Variants in BACE2 observed in about 807,000 individuals in gnomAD.
The protein encoded by BACE2 is 56 kDa aspartic-like protease.
BACE2 carries 17 observed loss-of-function variants against 46.2 expected under a neutral mutation model. The observed-to-expected ratio is 0.37, with a 90% CI of 0.25 to 0.55. The LOEUF (loss-of-function observed/expected upper bound fraction) is 0.55. Ranked by LOEUF, BACE2 falls within the 20% of genes least tolerant of loss-of-function variation. The pLI, the probability that BACE2 is intolerant of heterozygous loss-of-function variation, is 0.82. For missense variants in BACE2, 595 were observed against 698.1 expected, an observed-to-expected ratio of 0.85 and a Z score of 1.66; for synonymous variants, 277 against 295.9, an observed-to-expected ratio of 0.94 and a Z score of 0.66.
chr21:41,186,823 T>C (rs1170344439), intron 1 of BACE2: 2 of 152,254 alleles, frequency 1.3e-5, no homozygotes, highest in African/African-American at 4.8e-5. Flanking sequence ...TATTTATACC[T>C]ACCTTTAACT....
At chr21:41,204,493 G>A (rs1601263341) in intron 1 of BACE2, among the ~76,000 whole-genome samples, 1 of 152,202 alleles carries the variant, frequency 6.6e-6, no homozygotes, top group East Asian at 1.9e-4. Flanking sequence ...GGGTGGTCCA[G>A]TGCCCACGGA....
At chr21:41,171,299 G>T (rs1601234477) in intron 1 of BACE2, among the ~76,000 whole-genome samples, 1 of 152,360 alleles carries the variant, frequency 6.6e-6, no homozygotes, top group East Asian at 1.9e-4. Flanking sequence ...GGCCTTGAGA[G>T]GAGAGGTTCA....
At chr21:41,216,193 C>T (rs1160052011) in intron 1 of BACE2, among the ~76,000 whole-genome samples, 1 of 152,156 alleles carries the variant, frequency 6.6e-6, no homozygotes. Flanking sequence ...GGTCCATTTC[C>T]AGTGTCACCA....
intron 1 of BACE2, among the ~76,000 whole-genome samples, chr21:41,170,171 G>A (rs1984553283): frequency 6.6e-6 from 1 of 151,516 alleles, no homozygotes; most frequent in South Asian, 2.1e-4. Flanking sequence ...AAGGGGAAAG[G>A]GAGAAGCCTG....
intron 6 of BACE2, among the ~76,000 whole-genome samples, chr21:41,250,322 G>A (rs1221473517): frequency 2.6e-5 from 4 of 152,162 alleles, no homozygotes; most frequent in African/African-American, 9.7e-5. Flanking sequence ...GGAATTCAGA[G>A]GGCAAGTGAT....
chr21:41,198,155 C>A (rs1260452729), intron 1 of BACE2, among the ~76,000 whole-genome samples: 3 of 152,036 alleles, frequency 2.0e-5, no homozygotes, highest in African/African-American at 7.2e-5. Context: ...CCACACCCAG[C>A]TGATGTTTGT....
At chr21:41,174,138 C>CT (rs1568853912) in intron 1 of BACE2, among the ~76,000 whole-genome samples, 7,846 of 69,896 alleles carry the variant, frequency 0.11, 847 homozygotes, top group East Asian at 0.2. Flanking sequence ...TGATCAGTGG[C>CT]CTTTTTTTTT....
chr21:41,220,411 C>T (rs965626185), intron 1 of BACE2, among the ~76,000 whole-genome samples: 4 of 152,188 alleles, frequency 2.6e-5, no homozygotes, highest in Non-Finnish European at 5.9e-5. Context: ...CCTCTAATCC[C>T]GCCTTGCTCT....
At chr21:41,212,443 T>C (rs1166590528) in intron 1 of BACE2, among the ~76,000 whole-genome samples, 3 of 152,100 alleles carry the variant, frequency 2.0e-5, no homozygotes, top group Non-Finnish European at 2.9e-5. Flanking sequence ...CAGCAGAGCA[T>C]AAGGTGAGGA....
intron 2 of BACE2, among the ~76,000 whole-genome samples, chr21:41,231,352 C>T (rs939031450): frequency 2.0e-5 from 3 of 152,072 alleles, no homozygotes; most frequent in Non-Finnish European, 4.4e-5. Context: ...GAGGGGCATC[C>T]GGTCACCTGG....
chr21:41,243,698 C>T (rs1173420599), intron 5 of BACE2, among the ~76,000 whole-genome samples, 188 bp downstream of exon 5: 1 of 152,142 alleles, frequency 6.6e-6, no homozygotes, highest in African/African-American at 2.4e-5. Flanking sequence ...CTCCCCACCC[C>T]AAATATTGCA....
Position 41,278,149 on chromosome 21 carries a change from A to T in BACE2, c.*2525A>T, listed in dbSNP as rs556198176. 1 of 152,332 alleles carries T rather than the reference A, an allele frequency of 6.6e-6. No homozygotes were observed. Among genetic ancestry groups the T allele is most frequent in the South Asian group, 2.1e-4 (1 of 4,830 alleles). The allele number at this position is 152,332 out of a possible 1,614,324, so 9.4% of individuals were successfully genotyped here. The stretch of plus-strand genomic sequence containing the variant: ...TGTAATACACTGTGGAAAATTCTGG[A>T]AGACGGTCCTTGCCTGAAAAGGTGC... On this transcript the variant is annotated 3_prime_UTR_variant, in exon 9 of 9. Transcript: ENST00000330333.
chr21:41,226,229 T>C (rs376279963), intron 1 of BACE2, 37 bp from the exon 2 acceptor site: 1 of 1,517,548 alleles, frequency 6.6e-7, no homozygotes, highest in East Asian at 2.2e-5. Context: ...AATAACTTGA[T>C]GCTTTCTATT....
intron 2 of BACE2, among the ~76,000 whole-genome samples, chr21:41,234,695 T>C (rs1987064807): frequency 6.6e-6 from 1 of 152,274 alleles, no homozygotes; most frequent in Admixed American, 6.5e-5. Flanking sequence ...TCAGTATTTT[T>C]ATTGCTATTC....
At position 41,257,205 on chromosome 21, in the gene BACE2, C is replaced by T. The variant is rs1987810167; in HGVS notation, c.1182C>T (p.Tyr394=). The T allele has an allele frequency of 6.2e-7, 1 of 1,614,216 alleles. No homozygotes were observed. Residue 394 remains tyrosine (Y), a synonymous_variant, in exon 8 of 9, where the codon TAC becomes TAT. Coordinates refer to ENST00000330333, the MANE Select transcript of BACE2 (RefSeq NM_012105.5). ...GGGCCGGCCTGAATTATGAATGTTACCGATTCGGCATTTCCCCATCCACAA... is the reference window on the plus strand; with the variant it reads ...GGGCCGGCCTGAATTATGAATGTTATCGATTCGGCATTTCCCCATCCACAA... ...MMGAGLNYEC[Y]RFGISPSTNA...
intron 1 of BACE2, among the ~76,000 whole-genome samples, chr21:41,210,608 C>T (rs139488251): frequency 3.3e-5 from 5 of 152,324 alleles, no homozygotes; most frequent in Non-Finnish European, 4.4e-5. Flanking sequence ...GACCCCGTTC[C>T]ACAGCCATGA....
At chr21:41,271,450 T>C (rs1410740201) in intron 8 of BACE2, among the ~76,000 whole-genome samples, 1 of 152,220 alleles carries the variant, frequency 6.6e-6, no homozygotes, top group African/African-American at 2.4e-5. Flanking sequence ...CGGAAAAAGT[T>C]TGCCAAATGC....
At chr21:41,211,925 A>T (rs552329223) in intron 1 of BACE2, among the ~76,000 whole-genome samples, 52 of 152,204 alleles carry the variant, frequency 3.4e-4, no homozygotes, top group Non-Finnish European at 6.2e-4. Flanking sequence ...ACAGTGGGAG[A>T]CGTCCACAGT....
At position 41,269,942 on chromosome 21, in the gene BACE2, A is replaced by G. The variant is rs1035917967; in HGVS notation, c.1304-5429A>G. 5.3e-5 allele frequency among the ~76,000 whole-genome samples: 8 copies of G among 152,212 alleles called. 1 individual carries two copies. Among genetic ancestry groups the G allele is most frequent in the Admixed American group, 5.2e-4 (8 of 15,280 alleles). Reference sequence around the variant, plus strand: ...ACTCATTTTCAAAGTTGGCTTTATCATGTCACATTCCTGCCAACAGTGTAT... The same window carrying G: ...ACTCATTTTCAAAGTTGGCTTTATCGTGTCACATTCCTGCCAACAGTGTAT... On this transcript the variant is annotated intron_variant, in intron 8 of 8. Transcript: ENST00000330333.
Sources: gnomAD v4.1 joint callset for allele counts (sites outside exome capture counted in the v4.1 genomes callset) on GRCh38, gnomAD v4.1.1 for gene constraint, MANE v1.5 for transcripts, NCBI Gene and HGNC (gene_info 2026-07-23, HGNC 2026-07-21) for gene names.